The following KCTD1 variants were observed in gnomAD, a reference collection of about 807,000 sequenced individuals.
The protein encoded by KCTD1 is potassium channel tetramerization domain containing 1, also known as BTB/POZ domain-containing protein KCTD1.
In KCTD1, 24 loss-of-function variants were observed where a neutral mutation model predicts 66.0. The observed-to-expected ratio is 0.36, with a 90% CI of 0.26 to 0.51. The LOEUF (loss-of-function observed/expected upper bound fraction) is 0.51. KCTD1 is among the 20% of genes least tolerant of loss of function. The pLI, the probability that KCTD1 is intolerant of heterozygous loss-of-function variation, is 0.95. For missense variants in KCTD1, 943 were observed against 1,205.2 expected (o/e 0.78, Z 3.22); for synonymous variants, 511 against 517.2 (o/e 0.99, Z 0.16).
At chr18:26,631,121 T>C (rs1987609767), upstream of KCTD1, among the ~76,000 whole-genome samples, 2 of 152,208 alleles carry the variant, frequency 1.3e-5, no homozygotes, top group Admixed American at 6.5e-5. Flanking sequence ...TAAATAAAGA[T>C]ACTGGAATTC....
intron 1 of KCTD1, among the ~76,000 whole-genome samples, chr18:26,628,067 C>T (rs1987541501): frequency 6.6e-6 from 1 of 152,166 alleles, no homozygotes. Context: ...TAGAGGCCCT[C>T]CTTTCCCTCC....
intron 1 of KCTD1, chr18:26,600,103 G>T: frequency 6.2e-7 from 1 of 1,610,762 alleles, no homozygotes; most frequent in Non-Finnish European, 8.5e-7. Flanking sequence ...TTCCCTGCAG[G>T]CTGCTTCTTG....
At chr18:26,579,160 C>T (rs192333244) in intron 1 of KCTD1, among the ~76,000 whole-genome samples, 1 of 152,250 alleles carries the variant, frequency 6.6e-6, no homozygotes, top group African/African-American at 2.4e-5. Context: ...ACCTCCAGCA[C>T]CTAGCTGGGC....
At chr18:26,647,909 G>A (rs1262632418) in intron 1 of KCTD1, among the ~76,000 whole-genome samples, 1 of 151,744 alleles carries the variant, frequency 6.6e-6, no homozygotes, top group Non-Finnish European at 1.5e-5. Flanking sequence ...GCATAATCTC[G>A]GCTCACTGCA....
intron 2 of KCTD1, among the ~76,000 whole-genome samples, chr18:26,498,147 G>C (rs1330555817): frequency 6.6e-6 from 1 of 152,120 alleles, no homozygotes; most frequent in African/African-American, 2.4e-5. Context: ...TCAGAAATCA[G>C]ACCTTTCCAT....
At chr18:26,644,409 C>T (rs992197558), upstream of KCTD1, among the ~76,000 whole-genome samples, 1 of 151,996 alleles carries the variant, frequency 6.6e-6, no homozygotes, top group Non-Finnish European at 1.5e-5. Context: ...GTCCACTGAA[C>T]CCAGGCTGAC....
chr18:26,609,375 G>T (rs1041777649), intron 1 of KCTD1, among the ~76,000 whole-genome samples: 2 of 152,166 alleles, frequency 1.3e-5, no homozygotes, highest in Non-Finnish European at 2.9e-5. Context: ...CTGCCTCACT[G>T]TCCACTGCCA....
intron 1 of KCTD1, among the ~76,000 whole-genome samples, chr18:26,652,881 C>T (rs994358464): frequency 8.5e-5 from 13 of 152,154 alleles, no homozygotes; most frequent in African/African-American, 2.7e-4. Flanking sequence ...TCAGAATTCC[C>T]GCGTCTATTC....
Position 26,547,403 on chromosome 18 carries a change from C to G in KCTD1, c.1134G>C (p.Met378Ile), listed in dbSNP as rs1214210677. Reference sequence around the variant, plus strand: ...GGCAGAACTCGGTGCCCGTCTCATACATGCGGGGCAAGTTCTCCTCGTCGC... The same window carrying G: ...GGCAGAACTCGGTGCCCGTCTCATAGATGCGGGGCAAGTTCTCCTCGTCGC... ...ESSDEENLPR[M>I]YETGTEFCPY... The change falls in exon 1 of 5, where the codon ATG (methionine) becomes ATC (isoleucine). Residue 378 changes from methionine (M) to isoleucine (I), a missense_variant. Met to Ile is a conservative substitution (Grantham distance 10, BLOSUM62 1). Around this residue, in one of 10 missense-constraint regions of KCTD1, gnomAD observed 79 missense variants for 133.9 expected, o/e 0.59. Transcript: ENST00000580059. 1.3e-6 allele frequency: 2 copies of G among 1,551,264 alleles called. No homozygotes were observed. The highest frequency in any genetic ancestry group is 1.7e-6 in the Non-Finnish European group (2 of 1,146,780).
Position 26,548,460 on chromosome 18 carries a change from T to TCGGCGGCGG in KCTD1, c.68_76dup (p.Ala23_Ala25dup), listed in dbSNP as rs921777962. The TCGGCGGCGG allele has an allele frequency of 3.2e-6, 4 of 1,269,546 alleles. No homozygotes were observed. In the African/African-American group the frequency reaches 4.7e-5, roughly 15 times the overall value. The allele number at this position is 1,269,546 out of a possible 1,614,324, so 78.6% of individuals were successfully genotyped here. A position where few individuals can be genotyped will look rare whatever the true frequency, so the allele number is the denominator to read the frequency against. On this transcript the variant is annotated inframe_insertion, in exon 1 of 5. Transcript: ENST00000580059. Reference sequence around the variant, plus strand: ...GCCCTCGCCCCGCTCCCCATTGTTCTCGGCGGCGGCGGCGGCAGCGCTGGC... The same window carrying TCGGCGGCGG: ...GCCCTCGCCCCGCTCCCCATTGTTCTCGGCGGCGGCGGCGGCGGCGGCGGCAGCGCTGGC...
At chr18:26,475,434 G>A (rs945499881) in intron 3 of KCTD1, among the ~76,000 whole-genome samples, 1 of 152,130 alleles carries the variant, frequency 6.6e-6, no homozygotes, top group African/African-American at 2.4e-5. Flanking sequence ...CTTGTGTGTA[G>A]AGATCTGCAG....
rs35602601 is a variant in KCTD1 at position 26,564,019 on chromosome 18, C to CTTT, written c.-15-62772_-15-62770dup. ...CTTAGGCTTCATTCAAAGAGAGGGG[C>CTTT]TTTTTTTTTTTTGTATTCGCATTGC... On this transcript the variant is annotated intron_variant, in intron 1 of 4. Coordinates refer to the KCTD1 transcript ENST00000317932. Among the ~76,000 whole-genome samples, 157 of 143,158 alleles carry CTTT rather than the reference C, an allele frequency of 1.1e-3. 1 individual carries two copies. Among genetic ancestry groups the CTTT allele is most frequent in the African/African-American group, 2.6e-3 (101 of 39,010 alleles). 93.9% of individuals were successfully genotyped at this position (143,158 alleles called of 152,430 possible). A position where few individuals can be genotyped will look rare whatever the true frequency, so the allele number is the denominator to read the frequency against.
Position 26,548,166 on chromosome 18 carries a change from T to C in KCTD1, c.371A>G (p.Asn124Ser), listed in dbSNP as rs1284430996. Residue 124 changes from asparagine to serine, a missense_variant, in exon 1 of 5, where the codon AAT becomes AGT. By Grantham distance (46) the Asn-to-Ser change is conservative (BLOSUM62 1). Transcript: ENST00000580059. ...CTCCAGCGCGGCGCTCTGGTCCATA[T>C]TGATCATATGGACCGGCTCGGGCTC... ...ELEPEPVHMI[N>S]MDQSAALEPE... 5 of 1,483,910 alleles carry C rather than the reference T, an allele frequency of 3.4e-6. No homozygotes were observed. Among genetic ancestry groups the C allele is most frequent in the African/African-American group, 2.9e-5 (2 of 70,128 alleles). 91.9% of individuals were successfully genotyped at this position (1,483,910 alleles called of 1,614,324 possible). A position where few individuals can be genotyped will look rare whatever the true frequency, so the allele number is the denominator to read the frequency against.
At chr18:26,573,539 CG>C (rs1434311034) in intron 1 of KCTD1, among the ~76,000 whole-genome samples, 1 of 152,100 alleles carries the variant, frequency 6.6e-6, no homozygotes, top group Non-Finnish European at 1.5e-5. Context: ...ACAACTATGC[CG>C]GAAGACGTGA....
intron 3 of KCTD1, among the ~76,000 whole-genome samples, chr18:26,462,128 T>G (rs544085928): frequency 1.3e-5 from 2 of 152,204 alleles, no homozygotes; most frequent in Non-Finnish European, 2.9e-5. Context: ...TGTTTAATAA[T>G]CCACTCTGAG....
intron 1 of KCTD1, among the ~76,000 whole-genome samples, chr18:26,649,623 C>T (rs1987991689): frequency 6.6e-6 from 1 of 152,142 alleles, no homozygotes; most frequent in Non-Finnish European, 1.5e-5. Context: ...ATTCTTCTGC[C>T]CCAGCCTCCC....
At chr18:26,481,203 G>A (rs1567962454) in intron 2 of KCTD1, among the ~76,000 whole-genome samples, 1 of 152,140 alleles carries the variant, frequency 6.6e-6, no homozygotes, top group East Asian at 1.9e-4. Flanking sequence ...TTAAGTCGTC[G>A]GGGCTGGGAG....
At chr18:26,624,401 G>A (rs1333034466) in intron 1 of KCTD1, among the ~76,000 whole-genome samples, 1 of 152,196 alleles carries the variant, frequency 6.6e-6, no homozygotes, top group Non-Finnish European at 1.5e-5. Flanking sequence ...AAGACCCAGG[G>A]ACCCCTTGCT....
At chr18:26,533,410 G>A (rs1044458106) in intron 1 of KCTD1, among the ~76,000 whole-genome samples, 1 of 152,170 alleles carries the variant, frequency 6.6e-6, no homozygotes, top group Non-Finnish European at 1.5e-5. Context: ...TCTCAAATGA[G>A]CACTTTATTA....
Sources: gnomAD v4.1 joint callset for allele counts (sites outside exome capture counted in the v4.1 genomes callset) on GRCh38, gnomAD v4.1.1 for gene constraint, gnomAD v4.1.1 regional missense constraint, MANE v1.5 for transcripts, NCBI Gene and HGNC (gene_info 2026-07-23, HGNC 2026-07-21) for gene names.